TENM2: variants seen among roughly 807,000 people sequenced by gnomAD.
TENM2 encodes the protein teneurin-2.
A neutral mutation model predicts 245.2 loss-of-function variants in TENM2; 52 were observed. That is an observed-to-expected ratio of 0.21 (90% CI 0.17 to 0.27). TENM2 has a LOEUF of 0.27. TENM2 is among the 10% of genes least tolerant of loss of function. TENM2 has a pLI of 1.00. For synonymous variants in TENM2, 1,363 were observed against 1,438.9 expected (o/e 0.95, Z 1.19); for missense variants, 3,046 against 3,666.8 (o/e 0.83, Z 4.37).
the TENM2 span, among the ~76,000 whole-genome samples, chr5:167,156,849 G>A: frequency 6.6e-6 from 1 of 152,110 alleles, no homozygotes; most frequent in African/African-American, 2.4e-5. Flanking sequence ...TCTTGGCACC[G>A]CTTGTTTCTG....
intron 2 of TENM2, among the ~76,000 whole-genome samples, chr5:167,636,761 G>GAT (rs1227869678): frequency 1.3e-5 from 2 of 152,184 alleles, no homozygotes; most frequent in Non-Finnish European, 2.9e-5. Flanking sequence ...GAATACCAAT[G>GAT]ATATCCTATT....
chr5:168,107,556 G>A (rs1225493309), intron 9 of TENM2, among the ~76,000 whole-genome samples: 1 of 25,122 alleles, frequency 4.0e-5, no homozygotes, highest in Non-Finnish European at 7.5e-5. Context: ...CAAGCCTCCT[G>A]GGGGGGGGGT....
In TENM2 at chr5:168,176,578, C is replaced by G. The variant is rs867125590; in HGVS notation, c.2570-13759C>G. 2.0e-5 allele frequency among the ~76,000 whole-genome samples: 3 copies of G among 152,280 alleles called. No homozygotes were observed. In the Middle Eastern group the frequency reaches 0.01, roughly 518 times the overall value. ...AGAAAATCCCCTCCTTCATCACTGT[C>G]CAGCCCTTTACCTTGCTTTACTTAG... On this transcript the variant is annotated intron_variant, in intron 13 of 28. Transcript: ENST00000518659.
At chr5:167,015,686 T>C in the TENM2 span, among the ~76,000 whole-genome samples, 1 of 152,180 alleles carries the variant, frequency 6.6e-6, no homozygotes, top group Admixed American at 6.5e-5. Context: ...ATGACTGTGT[T>C]TCATGGTAAG....
intron 2 of TENM2, among the ~76,000 whole-genome samples, chr5:167,750,550 T>C (rs1761892402): frequency 6.6e-6 from 1 of 152,044 alleles, no homozygotes; most frequent in African/African-American, 2.4e-5. Flanking sequence ...TGGTATACCA[T>C]AGAAGCAGTT....
At chr5:168,135,521 G>A (rs1754975031) in intron 12 of TENM2, among the ~76,000 whole-genome samples, 1 of 152,066 alleles carries the variant, frequency 6.6e-6, no homozygotes, top group Non-Finnish European at 1.5e-5. Flanking sequence ...GCACTTATAT[G>A]CATTGTTATA....
chr5:167,144,615 C>G, the TENM2 span, among the ~76,000 whole-genome samples: 34 of 152,060 alleles, frequency 2.2e-4, no homozygotes, highest in African/African-American at 8.0e-4. Flanking sequence ...AACAAGAAAG[C>G]GGCAGGATCC....
At chr5:167,053,362 C>T in the TENM2 span, among the ~76,000 whole-genome samples, 2 of 152,150 alleles carry the variant, frequency 1.3e-5, no homozygotes, top group Admixed American at 1.3e-4. Context: ...CTCGGAAGCA[C>T]TTGCGTGATA....
intron 2 of TENM2, among the ~76,000 whole-genome samples, chr5:167,798,805 C>T (rs113060475): frequency 0.019 from 2,958 of 152,298 alleles, 101 homozygotes; most frequent in African/African-American, 0.067. Flanking sequence ...TTGTCAAAGA[C>T]ACACTAAACT....
chr5:167,621,609 T>C (rs1478559828), intron 2 of TENM2, among the ~76,000 whole-genome samples: 1 of 152,140 alleles, frequency 6.6e-6, no homozygotes, highest in Non-Finnish European at 1.5e-5. Flanking sequence ...AGAAAGGCCA[T>C]ATAGACACAA....
intron 13 of TENM2, chr5:168,165,035 C>G (rs150353366): frequency 1.3e-5 from 2 of 152,056 alleles, no homozygotes; most frequent in African/African-American, 4.8e-5. Flanking sequence ...GGGTATTTTG[C>G]AGTTTCCATA....
At chr5:167,629,396 G>C (rs1778720008) in intron 2 of TENM2, among the ~76,000 whole-genome samples, 2 of 152,140 alleles carry the variant, frequency 1.3e-5, no homozygotes, top group African/African-American at 4.8e-5. Context: ...TGTTTGAAAG[G>C]CTCTGTAAAT....
the TENM2 span, among the ~76,000 whole-genome samples, chr5:167,267,608 G>T: frequency 2.0e-5 from 3 of 152,136 alleles, no homozygotes; most frequent in Non-Finnish European, 2.9e-5. Context: ...TTACACTGTT[G>T]TAACATTTGA....
chr5:167,606,270 A>G (rs183888772), intron 2 of TENM2, among the ~76,000 whole-genome samples: 17 of 152,206 alleles, frequency 1.1e-4, no homozygotes, highest in Admixed American at 3.3e-4. Flanking sequence ...AACAACAGAC[A>G]CTTATATCAC....
At chr5:167,765,209 G>A (rs149748898) in intron 2 of TENM2, among the ~76,000 whole-genome samples, 114 of 152,278 alleles carry the variant, frequency 7.5e-4, no homozygotes, top group Non-Finnish European at 1.4e-3. Flanking sequence ...CTTAAAATAT[G>A]CAGATGGAAA....
At chr5:167,790,063 C>G (rs1664616541) in intron 2 of TENM2, among the ~76,000 whole-genome samples, 1 of 152,086 alleles carries the variant, frequency 6.6e-6, no homozygotes, top group African/African-American at 2.4e-5. Flanking sequence ...ACCTCTATCT[C>G]AGTTCTTTGA....
intron 1 of TENM2, among the ~76,000 whole-genome samples, chr5:167,353,547 G>A (rs377760846): frequency 3.5e-4 from 38 of 109,780 alleles, no homozygotes; most frequent in South Asian, 1.3e-3. Flanking sequence ...TCGCTCTGTC[G>A]CCCAGGCTGG....
chr5:167,981,618 AATGCTCCT>A (rs1782841086), intron 4 of TENM2, among the ~76,000 whole-genome samples: 1 of 152,192 alleles, frequency 6.6e-6, no homozygotes, highest in Non-Finnish European at 1.5e-5. Flanking sequence ...TTTCAGATAG[AATGCTCCT>A]AAATGTGCTT....
the TENM2 span, among the ~76,000 whole-genome samples, chr5:167,126,410 A>G: frequency 6.6e-6 from 1 of 152,102 alleles, no homozygotes; most frequent in African/African-American, 2.4e-5. Context: ...CTATTTTCAT[A>G]TATTTCCTTC....
Sources: allele counts gnomAD v4.1 joint callset (sites outside exome capture counted in the v4.1 genomes callset), GRCh38; gene constraint gnomAD v4.1.1; transcripts MANE v1.5; gene names NCBI Gene and HGNC (gene_info 2026-07-23, HGNC 2026-07-21).